Variants in RNLS observed in about 807,000 individuals in gnomAD.
The protein encoded by RNLS is renalase.
RNLS carries 39 observed loss-of-function variants against 39.8 expected under a neutral mutation model. The observed-to-expected ratio is 0.98, with a 90% CI of 0.76 to 1.28. The LOEUF is 1.28. RNLS is among the 50% of genes most tolerant of loss of function. The pLI is 0.00. For synonymous variants in RNLS, 147 were observed against 150.7 expected (o/e 0.98, Z 0.18); for missense variants, 410 against 413.3 (o/e 0.99, Z 0.07).
intron 4 of RNLS, among the ~76,000 whole-genome samples, chr10:88,478,984 C>T (rs1051835619): frequency 3.3e-5 from 5 of 151,802 alleles, no homozygotes; most frequent in African/African-American, 1.2e-4. Context: ...CTAGTTCTGT[C>T]ATTAACTAGG....
chr10:88,427,722 T>TA, intron 4 of RNLS, among the ~76,000 whole-genome samples: 1 of 152,018 alleles, frequency 6.6e-6, no homozygotes, highest in Admixed American at 6.6e-5. Context: ...GTCATATTCT[T>TA]AAAGTCATTA....
chr10:88,463,125 A>T (rs1341014990), intron 4 of RNLS, among the ~76,000 whole-genome samples: 1 of 152,002 alleles, frequency 6.6e-6, no homozygotes, highest in Non-Finnish European at 1.5e-5. Flanking sequence ...TTGGATCTAT[A>T]TATTGAAGTC....
At chr10:88,248,892 C>T in the RNLS span, among the ~76,000 whole-genome samples, 1 of 152,152 alleles carries the variant, frequency 6.6e-6, no homozygotes, top group Non-Finnish European at 1.5e-5. Context: ...TTGAAGTTTC[C>T]TGAACATGCT....
At chr10:88,190,034 C>T in the RNLS span, among the ~76,000 whole-genome samples, 13 of 152,312 alleles carry the variant, frequency 8.5e-5, no homozygotes, top group Non-Finnish European at 1.6e-4. Context: ...TGATCATAGA[C>T]GAGGGCAGAG....
the RNLS span, among the ~76,000 whole-genome samples, chr10:88,255,530 C>A: frequency 6.6e-6 from 1 of 152,190 alleles, no homozygotes; most frequent in Non-Finnish European, 1.5e-5. Context: ...TAAACTAACT[C>A]TATCTGTGGA....
intron 3 of RNLS, among the ~76,000 whole-genome samples, chr10:88,580,155 C>G (rs570137029): frequency 5.9e-5 from 9 of 152,314 alleles, no homozygotes; most frequent in African/African-American, 2.2e-4. Context: ...GACTTACCAA[C>G]CAACATAATC....
At chr10:88,582,118 T>C in intron 2 of RNLS, 84 bp downstream of exon 2, 1 of 1,077,544 alleles carries the variant, frequency 9.3e-7, no homozygotes, top group Non-Finnish European at 1.4e-6. Context: ...CTATGTTCCA[T>C]TTATCAGCTA....
the RNLS span, among the ~76,000 whole-genome samples, chr10:88,242,356 T>C: frequency 2.3e-4 from 35 of 152,342 alleles, no homozygotes; most frequent in African/African-American, 8.2e-4. Context: ...GACATTTCAA[T>C]GCATTAAAAA....
chr10:88,244,441 C>A, the RNLS span, among the ~76,000 whole-genome samples: 1 of 152,136 alleles, frequency 6.6e-6, no homozygotes, highest in Non-Finnish European at 1.5e-5. Flanking sequence ...TAGCAGTAAC[C>A]GAAAGGGTGC....
rs529368874 is a variant in RNLS at position 88,527,738 on chromosome 10, G to A, written c.526+45165C>T. The stretch of plus-strand genomic sequence containing the variant: ...TTTTAGTTGTGCACCTTTAAAATAC[G>A]AATGGACAGCCAAGGGTCACCCATT... On this transcript the variant is annotated intron_variant, in intron 4 of 6. Transcript: ENST00000331772. Among the ~76,000 whole-genome samples, 12 of 151,594 alleles carry A rather than the reference G, an allele frequency of 7.9e-5. 1 individual carries two copies. The highest frequency in any genetic ancestry group is 5.8e-4 in the East Asian group (3 of 5,156).
At chr10:88,203,454 GTGTATATATATATATA>G in the RNLS span, among the ~76,000 whole-genome samples, 7 of 838 alleles carry the variant, frequency 8.4e-3, 3 homozygotes, top group Admixed American at 0.038. Context: ...GTGTGTGTGT[GTGTATATATATATATA>G]TATATATATA....
intron 4 of RNLS, among the ~76,000 whole-genome samples, chr10:88,460,934 GTCTA>G (rs1842905172): frequency 1.3e-5 from 2 of 152,064 alleles, no homozygotes. Context: ...GAAGAGGCCT[GTCTA>G]TACTGGGCCT....
chr10:88,370,393 G>T (rs1029388733), intron 4 of RNLS, among the ~76,000 whole-genome samples: 1 of 152,028 alleles, frequency 6.6e-6, no homozygotes, highest in African/African-American at 2.4e-5. Context: ...ATTGATACTT[G>T]GTGCTCAAAG....
chr10:88,504,608 A>G (rs1845683772), intron 4 of RNLS, among the ~76,000 whole-genome samples: 1 of 152,154 alleles, frequency 6.6e-6, no homozygotes, highest in South Asian at 2.1e-4. Context: ...AAAGGGAATA[A>G]CAAAGAAACA....
chr10:88,558,893 G>A (rs976576876), intron 4 of RNLS, among the ~76,000 whole-genome samples: 2 of 152,070 alleles, frequency 1.3e-5, no homozygotes, highest in South Asian at 4.1e-4. Flanking sequence ...AAGTTTGCAG[G>A]CAGCCCAACA....
chr10:88,327,751 T>C (rs1169321708), intron 5 of RNLS, among the ~76,000 whole-genome samples: 1 of 152,112 alleles, frequency 6.6e-6, no homozygotes, highest in African/African-American at 2.4e-5. Flanking sequence ...TATGTATGTA[T>C]GTATGTACGT....
intron 6 of RNLS, among the ~76,000 whole-genome samples, chr10:88,306,085 A>G (rs1347735321): frequency 6.6e-6 from 1 of 152,194 alleles, no homozygotes; most frequent in East Asian, 1.9e-4. Flanking sequence ...ACATCTGGGT[A>G]AATAATGAAA....
intron 4 of RNLS, among the ~76,000 whole-genome samples, chr10:88,439,024 G>A (rs930574314): frequency 5.9e-5 from 9 of 152,184 alleles, no homozygotes; most frequent in African/African-American, 2.2e-4. Flanking sequence ...AAGTGAACTT[G>A]TACTGATACA....
chr10:88,331,174 C>A (rs1847085768), intron 5 of RNLS, among the ~76,000 whole-genome samples: 1 of 152,226 alleles, frequency 6.6e-6, no homozygotes, highest in South Asian at 2.1e-4. Flanking sequence ...TTTGCTCTCA[C>A]AACTTTATAT....
Sources: allele counts gnomAD v4.1 joint callset (sites outside exome capture counted in the v4.1 genomes callset), GRCh38; gene constraint gnomAD v4.1.1; transcripts MANE v1.5; gene names NCBI Gene and HGNC (gene_info 2026-07-23, HGNC 2026-07-21).